Variants in RNF13 observed in about 807,000 individuals in gnomAD.
The protein encoded by RNF13 is E3 ubiquitin-protein ligase RNF13.
A neutral mutation model predicts 37.7 loss-of-function variants in RNF13; 19 were observed. The observed-to-expected ratio is 0.50, with a 90% CI of 0.35 to 0.74. The LOEUF (loss-of-function observed/expected upper bound fraction) is 0.74. RNF13 is among the 30% of genes least tolerant of loss of function. The pLI, the probability that RNF13 is intolerant of heterozygous loss-of-function variation, is 0.01. For synonymous variants in RNF13, 144 were observed against 157.8 expected (o/e 0.91, Z 0.65); for missense variants, 375 against 453.0 (o/e 0.83, Z 1.56).
At chr3:149,849,077 CTT>C (rs1290650443) in intron 2 of RNF13, among the ~76,000 whole-genome samples, 7 of 152,228 alleles carry the variant, frequency 4.6e-5, no homozygotes, top group Non-Finnish European at 8.8e-5. Context: ...GTTTTTATCT[CTT>C]ATCATTTTTC....
chr3:149,829,432 G>C (rs1219989352), intron 1 of RNF13, among the ~76,000 whole-genome samples: 1 of 152,098 alleles, frequency 6.6e-6, no homozygotes, highest in East Asian at 1.9e-4. Context: ...TCTATTAAAA[G>C]TAAAAAATTG....
At chr3:149,889,296 T>C (rs1016869076) in intron 4 of RNF13, among the ~76,000 whole-genome samples, 1 of 146,326 alleles carries the variant, frequency 6.8e-6, no homozygotes, top group African/African-American at 2.5e-5. Context: ...AGTGTGCGTG[T>C]GTGTGTGTGT....
chr3:149,855,509 A>G (rs1471461314), intron 3 of RNF13, among the ~76,000 whole-genome samples: 1 of 151,066 alleles, frequency 6.6e-6, no homozygotes, highest in Non-Finnish European at 1.5e-5. Context: ...GTATTTTTAC[A>G]TTTATGCATT....
At chr3:149,862,740 A>G (rs769809675) in intron 3 of RNF13, among the ~76,000 whole-genome samples, 7 of 152,024 alleles carry the variant, frequency 4.6e-5, no homozygotes, top group Non-Finnish European at 8.8e-5. Flanking sequence ...GTCTCCTTGT[A>G]TATATTATAA....
At chr3:149,930,025 A>G (rs1361723228) in intron 8 of RNF13, among the ~76,000 whole-genome samples, 2 of 152,150 alleles carry the variant, frequency 1.3e-5, no homozygotes, top group African/African-American at 4.8e-5. Context: ...TCCCAGGTTC[A>G]AGCAATTCTT....
At chr3:149,956,527 A>AATGGGGAAAAATC (rs1394292524) in intron 8 of RNF13, among the ~76,000 whole-genome samples, 1 of 152,090 alleles carries the variant, frequency 6.6e-6, no homozygotes, top group African/African-American at 2.4e-5. Context: ...TTGGGCTTGA[A>AATGGGGAAAAATC]ATGGGGAAAA....
Position 149,961,630 on chromosome 3 carries a change from T to C in RNF13, c.*526T>C. ...TCAAAGCTGTTTTTTCCCTTTCTGTTCCAAAGCAGTCTTATCCTGACAGGA... is the reference window on the plus strand; with the variant it reads ...TCAAAGCTGTTTTTTCCCTTTCTGTCCCAAAGCAGTCTTATCCTGACAGGA... On this transcript the variant is annotated 3_prime_UTR_variant, in exon 10 of 10. Coordinates refer to ENST00000392894, the MANE Select transcript of RNF13 (RefSeq NM_183381.3). The C allele has an allele frequency of 3.6e-6, 1 of 275,412 alleles. No individual in the cohort carries two copies. Among genetic ancestry groups the C allele is most frequent in the Non-Finnish European group, 7.1e-6 (1 of 140,504 alleles). The allele number at this position is 275,412 out of a possible 1,614,324, so 17.1% of individuals were successfully genotyped here.
At chr3:149,888,807 T>C (rs982822657) in intron 4 of RNF13, among the ~76,000 whole-genome samples, 1 of 152,218 alleles carries the variant, frequency 6.6e-6, no homozygotes, top group Non-Finnish European at 1.5e-5. Flanking sequence ...GCAACATCTC[T>C]TCCCAGAGAA....
chr3:149,858,364 G>T (rs1723872864), intron 3 of RNF13, among the ~76,000 whole-genome samples: 1 of 152,282 alleles, frequency 6.6e-6, no homozygotes, highest in South Asian at 2.1e-4. Context: ...GAATAATTTA[G>T]TTACACATTG....
intron 1 of RNF13, among the ~76,000 whole-genome samples, chr3:149,845,471 T>C (rs1291914474): frequency 6.6e-6 from 1 of 152,114 alleles, no homozygotes; most frequent in African/African-American, 2.4e-5. Flanking sequence ...GAAAAAAGCA[T>C]AGATTGTTAG....
intron 4 of RNF13, among the ~76,000 whole-genome samples, chr3:149,886,751 T>C (rs1444420101): frequency 6.6e-6 from 1 of 152,202 alleles, no homozygotes; most frequent in Non-Finnish European, 1.5e-5. Context: ...ATGCTCTTTA[T>C]CAGGTTGAGT....
intron 8 of RNF13, among the ~76,000 whole-genome samples, chr3:149,933,749 A>G (rs1719408940): frequency 6.6e-6 from 1 of 151,832 alleles, no homozygotes; most frequent in South Asian, 2.1e-4. Flanking sequence ...ACGCCTGGCT[A>G]ATTTTTGTAT....
chr3:149,837,456 A>T (rs747235019), intron 1 of RNF13, among the ~76,000 whole-genome samples: 2 of 152,170 alleles, frequency 1.3e-5, no homozygotes, highest in Non-Finnish European at 2.9e-5. Flanking sequence ...TGATAAAGAC[A>T]CCTGAGACTG....
chr3:149,893,767 A>G (rs1011484124), intron 4 of RNF13: 1 of 152,192 alleles, frequency 6.6e-6, no homozygotes, highest in South Asian at 2.1e-4. Flanking sequence ...ATCCACCTAA[A>G]AATAAAACAT....
At chr3:149,894,455 A>G (rs555575588) in intron 4 of RNF13, among the ~76,000 whole-genome samples, 3 of 152,258 alleles carry the variant, frequency 2.0e-5, no homozygotes, top group South Asian at 4.1e-4. Context: ...TTTTTATTGA[A>G]TTATAGCAGA....
chr3:149,929,904 A>G (rs1314132995), intron 8 of RNF13, among the ~76,000 whole-genome samples: 1 of 152,070 alleles, frequency 6.6e-6, no homozygotes. Flanking sequence ...CACCAGTACC[A>G]CACCGCCTTG....
At chr3:149,867,006 G>T (rs1711498656) in intron 3 of RNF13, among the ~76,000 whole-genome samples, 2 of 152,036 alleles carry the variant, frequency 1.3e-5, no homozygotes, top group African/African-American at 4.8e-5. Flanking sequence ...ATAACTGTTG[G>T]GTGAGATGTT....
intron 1 of RNF13, among the ~76,000 whole-genome samples, chr3:149,841,560 G>C (rs1722180442): frequency 6.6e-6 from 1 of 152,190 alleles, no homozygotes; most frequent in African/African-American, 2.4e-5. Context: ...TGATTGATCA[G>C]AGCAAGGGTG....
At chr3:149,843,320 A>G (rs568668035) in intron 1 of RNF13, among the ~76,000 whole-genome samples, 1 of 152,294 alleles carries the variant, frequency 6.6e-6, no homozygotes, top group Non-Finnish European at 1.5e-5. Flanking sequence ...CTGATCCCCC[A>G]TGGATACCAA....
Sources: gnomAD v4.1 joint callset for allele counts (sites outside exome capture counted in the v4.1 genomes callset) on GRCh38, gnomAD v4.1.1 for gene constraint, MANE v1.5 for transcripts, NCBI Gene and HGNC (gene_info 2026-07-23, HGNC 2026-07-21) for gene names.